The following GPC6 variants were observed in gnomAD, a reference collection of about 807,000 sequenced individuals.
GPC6 encodes the protein glypican-6.
A neutral mutation model predicts 55.2 loss-of-function variants in GPC6; 14 were observed. The observed-to-expected ratio is 0.25, with a 90% CI of 0.17 to 0.40. GPC6 has a LOEUF of 0.40. Ranked by LOEUF, GPC6 falls within the 10% of genes least tolerant of loss-of-function variation. GPC6 has a pLI of 1.00. For missense variants in GPC6, 641 were observed against 708.5 expected, an observed-to-expected ratio of 0.90 and a Z score of 1.08; for synonymous variants, 278 against 259.6, an observed-to-expected ratio of 1.07 and a Z score of -0.68.
chr13:94,228,976 T>C (rs1890640271), intron 4 of GPC6, among the ~76,000 whole-genome samples: 2 of 152,200 alleles, frequency 1.3e-5, no homozygotes, highest in African/African-American at 4.8e-5. Flanking sequence ...ATTGTTGGAA[T>C]GCTAAAGTCT....
chr13:93,464,726 A>G (rs1878844262), intron 1 of GPC6, among the ~76,000 whole-genome samples: 1 of 152,160 alleles, frequency 6.6e-6, no homozygotes, highest in Non-Finnish European at 1.5e-5. Flanking sequence ...TGGTATTTTG[A>G]TTTCCTCTCA....
chr13:93,959,249 G>A (rs927928543), intron 3 of GPC6, among the ~76,000 whole-genome samples: 18 of 145,890 alleles, frequency 1.2e-4, no homozygotes, highest in African/African-American at 4.4e-4. Flanking sequence ...TGCAACCTCC[G>A]CCTCCCGAGT....
Position 93,703,039 on chromosome 13 carries a change from C to G in GPC6, c.320-127115C>G, listed in dbSNP as rs1209951219. On this transcript the variant is annotated intron_variant, in intron 2 of 8. Coordinates refer to ENST00000377047, the MANE Select transcript of GPC6 (RefSeq NM_005708.5). ...CAGTTGACTAGCTGTCACAAGAGAC[C>G]TAGTTTGGCTTATCTCAGCTTTTGA... Among the ~76,000 whole-genome samples the G allele has an allele frequency of 2.0e-5, 3 of 152,012 alleles. No homozygotes were observed. The South Asian group carries it at 6.2e-4, about 32-fold the overall frequency.
chr13:93,220,636 T>A, the GPC6 span, among the ~76,000 whole-genome samples: 1 of 152,178 alleles, frequency 6.6e-6, no homozygotes, highest in African/African-American at 2.4e-5. Context: ...CAAGTCAAAA[T>A]GAAACTCTTC....
In GPC6 at chr13:94,070,739, T is replaced by C. The variant is rs75560681; in HGVS notation, c.877+42845T>C. On this transcript the variant is annotated intron_variant, in intron 4 of 8. Transcript: ENST00000377047. ...CCTTTTAAGACTTGTCTGAAAGTAG[T>C]CTGTTGCTAATGAGACAGGGCTCTC... 7.6e-3 allele frequency among the ~76,000 whole-genome samples: 1,163 copies of C among 152,308 alleles called. 75 individuals are homozygous for C. The East Asian group carries it at 0.16, about 21-fold the overall frequency.
intron 2 of GPC6, among the ~76,000 whole-genome samples, chr13:93,748,561 G>T (rs932045705): frequency 1.3e-5 from 2 of 151,828 alleles, no homozygotes; most frequent in Non-Finnish European, 2.9e-5. Context: ...AAGGAATTTT[G>T]CCGTTTATGG....
intron 2 of GPC6, among the ~76,000 whole-genome samples, chr13:93,781,291 G>T (rs1177905450): frequency 7.0e-6 from 1 of 143,814 alleles, no homozygotes; most frequent in Non-Finnish European, 1.5e-5. Context: ...AAAAAAAAAA[G>T]AAAAAAGAAA....
At chr13:93,897,276 T>C (rs1437058638) in intron 3 of GPC6, among the ~76,000 whole-genome samples, 1 of 152,002 alleles carries the variant, frequency 6.6e-6, no homozygotes, top group Non-Finnish European at 1.5e-5. Flanking sequence ...GTGGCTATAG[T>C]TAGTATTCAC....
At chr13:93,610,193 T>C (rs1878405629) in intron 2 of GPC6, among the ~76,000 whole-genome samples, 2 of 152,288 alleles carry the variant, frequency 1.3e-5, no homozygotes, top group South Asian at 4.1e-4. Flanking sequence ...CGGAAAAAAC[T>C]TCGTAAGTTT....
At chr13:94,258,125 T>A (rs187817004) in intron 4 of GPC6, among the ~76,000 whole-genome samples, 6 of 152,330 alleles carry the variant, frequency 3.9e-5, no homozygotes, top group Admixed American at 2.0e-4. Context: ...AAGCCATAGC[T>A]GTTTCTAGAA....
At chr13:93,319,558 A>G (rs748502975) in intron 1 of GPC6, among the ~76,000 whole-genome samples, 7 of 149,624 alleles carry the variant, frequency 4.7e-5, no homozygotes, top group Non-Finnish European at 7.5e-5. Context: ...TAAAATAAAG[A>G]GTAGAAGCAT....
intron 1 of GPC6, among the ~76,000 whole-genome samples, chr13:93,316,201 C>A (rs560463983): frequency 4.1e-4 from 62 of 152,126 alleles, no homozygotes; most frequent in African/African-American, 1.4e-3. Context: ...TTTGATGAAC[C>A]TTGCTCTTTG....
chr13:94,058,206 T>C (rs183127237), intron 4 of GPC6, among the ~76,000 whole-genome samples: 130 of 152,304 alleles, frequency 8.5e-4, no homozygotes, highest in African/African-American at 3.1e-3. Flanking sequence ...GTTATATATA[T>C]TTATTTGATT....
chr13:93,494,884 G>A (rs1406069427), intron 1 of GPC6, among the ~76,000 whole-genome samples: 5 of 148,624 alleles, frequency 3.4e-5, no homozygotes, highest in African/African-American at 5.0e-5. Context: ...GGTTTCTGCC[G>A]AGAGATCCGC....
At chr13:94,363,695 C>A (rs910070301) in intron 6 of GPC6, among the ~76,000 whole-genome samples, 3 of 152,174 alleles carry the variant, frequency 2.0e-5, no homozygotes, top group African/African-American at 7.2e-5. Context: ...TGGTAGCCAC[C>A]AGCCATACAT....
chr13:93,823,512 T>C (rs1427464323), intron 2 of GPC6, among the ~76,000 whole-genome samples: 1 of 152,134 alleles, frequency 6.6e-6, no homozygotes, highest in East Asian at 1.9e-4. Flanking sequence ...TAATAAAATA[T>C]CTGATGCCCG....
At chr13:93,763,890 T>C (rs1330383117) in intron 2 of GPC6, among the ~76,000 whole-genome samples, 2 of 152,088 alleles carry the variant, frequency 1.3e-5, no homozygotes, top group African/African-American at 4.8e-5. Flanking sequence ...TCCCATTCCA[T>C]AAATATCTAC....
chr13:94,292,251 G>T (rs1419287548), intron 5 of GPC6, among the ~76,000 whole-genome samples: 1 of 84,556 alleles, frequency 1.2e-5, no homozygotes, highest in African/African-American at 6.8e-5. Context: ...CTCGCTAATC[G>T]ATGCATAACC....
chr13:93,724,706 C>T (rs1175134998), intron 2 of GPC6, among the ~76,000 whole-genome samples: 1 of 151,726 alleles, frequency 6.6e-6, no homozygotes, highest in African/African-American at 2.4e-5. Context: ...ATTTCTTTTC[C>T]CTGGTACATT....
Sources: gnomAD v4.1 joint callset for allele counts (sites outside exome capture counted in the v4.1 genomes callset) on GRCh38, gnomAD v4.1.1 for gene constraint, MANE v1.5 for transcripts, NCBI Gene and HGNC (gene_info 2026-07-23, HGNC 2026-07-21) for gene names.